Variants in RDH12 observed in about 807,000 individuals in gnomAD.
RDH12 encodes the protein retinol dehydrogenase 12.
RDH12 carries 21 observed loss-of-function variants against 34.0 expected under a neutral mutation model. The observed-to-expected ratio is 0.62, with a 90% CI of 0.44 to 0.89. RDH12 has a LOEUF of 0.89. RDH12 is among the 40% of genes least tolerant of loss of function. The pLI, the probability that RDH12 is intolerant of heterozygous loss-of-function variation, is 0.00. For missense variants in RDH12, 394 were observed against 398.6 expected (o/e 0.99, Z 0.10); for synonymous variants, 198 against 169.9 (o/e 1.17, Z -1.29).
rs369624285 is a variant in RDH12, at chr14:67,706,846, G to T, written c.-275+4911G>T. ...TCCCAGCTTTTTTCTAATCTCTCTT[G>T]GTTAGGATGGTTCGTTCCTAGACAG... On this transcript the variant is annotated intron_variant, in intron 1 of 8. Coordinates refer to ENST00000551171, the MANE Select transcript of RDH12 (RefSeq NM_152443.3). 4.6e-5 allele frequency among the ~76,000 whole-genome samples: 7 copies of T among 152,200 alleles called. 1 individual carries two copies. The highest frequency in any genetic ancestry group is 1.7e-4 in the African/African-American group (7 of 41,512).
chr14:67,724,207 C>T (rs543531462), intron 3 of RDH12, among the ~76,000 whole-genome samples: 11 of 152,200 alleles, frequency 7.2e-5, no homozygotes, highest in Non-Finnish European at 1.5e-4. Flanking sequence ...TCCATTGGCC[C>T]TGACTCCAGC....
intron 1 of RDH12, chr14:67,706,279 A>T (rs149786584): frequency 6.6e-6 from 1 of 152,356 alleles, no homozygotes; most frequent in East Asian, 1.9e-4. Flanking sequence ...TAAAAATATA[A>T]TGTCATTTTC....
Position 67,729,233 on chromosome 14 carries a change from G to T in RDH12, c.701G>T (p.Arg234Leu). Reference protein sequence around the residue: ...TTYAVHPGVVRSELVRHSSLL... With the variant: ...TTYAVHPGVVLSELVRHSSLL... ...TACGCAGTGCACCCAGGCGTCGTCC[G>T]CTCTGAGCTGGTCCGGCACTCCTCC... The change falls in exon 8 of 9, where the codon CGC becomes CTC. Residue 234 changes from arginine to leucine, a missense_variant. Arg to Leu is a moderately radical substitution (Grantham distance 102, BLOSUM62 -2). Transcript: ENST00000551171. 1.2e-6 allele frequency: 2 copies of T among 1,611,106 alleles called. No individual in the cohort carries two copies. The highest frequency in any genetic ancestry group is 2.2e-5 in the South Asian group (2 of 91,038).
intron 1 of RDH12, among the ~76,000 whole-genome samples, chr14:67,702,261 G>A (rs1186088406): frequency 6.6e-6 from 1 of 152,102 alleles, no homozygotes; most frequent in African/African-American, 2.4e-5. Flanking sequence ...GAGCCACCAT[G>A]CCTGGCCTGT....
At chr14:67,728,553 G>C (rs924118877) in intron 7 of RDH12, among the ~76,000 whole-genome samples, 3 of 152,088 alleles carry the variant, frequency 2.0e-5, no homozygotes, top group Non-Finnish European at 4.4e-5. Context: ...CTGTGACTTA[G>C]TTTTCTTTGT....
At position 67,729,234 on chromosome 14, in the gene RDH12, C is replaced by T; in HGVS notation, c.702C>T (p.Arg234=). The T allele has an allele frequency of 6.2e-7, 1 of 1,611,296 alleles. No individual in the cohort carries two copies. The highest frequency in any genetic ancestry group is 8.5e-7 in the Non-Finnish European group (1 of 1,180,010). ...TTYAVHPGVV[R]SELVRHSSLL... is the part of the protein sequence containing the mutation. ...ACGCAGTGCACCCAGGCGTCGTCCG[C>T]TCTGAGCTGGTCCGGCACTCCTCCC... Residue 234 remains arginine, a synonymous_variant, in exon 8 of 9, where the codon CGC becomes CGT. Coordinates refer to ENST00000551171, the MANE Select transcript of RDH12 (RefSeq NM_152443.3).
At chr14:67,723,350 C>T (rs1381884931) in intron 3 of RDH12, among the ~76,000 whole-genome samples, 4 of 152,210 alleles carry the variant, frequency 2.6e-5, no homozygotes, top group African/African-American at 9.7e-5. Context: ...CCTCCTGCCT[C>T]AGCCTCCCAA....
At chr14:67,709,371 T>C (rs1390926064) in intron 1 of RDH12, among the ~76,000 whole-genome samples, 1 of 152,212 alleles carries the variant, frequency 6.6e-6, no homozygotes, top group Non-Finnish European at 1.5e-5. Flanking sequence ...TTCAAAATTT[T>C]ATAAACAATC....
intron 5 of RDH12, 48 bp downstream of exon 5, chr14:67,725,302 G>A (rs1251499218): frequency 2.5e-6 from 4 of 1,595,670 alleles, no homozygotes; most frequent in Non-Finnish European, 8.6e-7. Context: ...GGGTATGGGA[G>A]TGGCTGCTCC....
intron 1 of RDH12, among the ~76,000 whole-genome samples, chr14:67,704,589 G>C (rs2037932472): frequency 6.6e-6 from 1 of 152,086 alleles, no homozygotes; most frequent in Non-Finnish European, 1.5e-5. Flanking sequence ...AAACTCAGCA[G>C]GTGTCTTAGA....
chr14:67,727,573 C>A (rs921105728), intron 7 of RDH12: 1 of 282,384 alleles, frequency 3.5e-6, no homozygotes, highest in African/African-American at 2.3e-5. Context: ...ACCTCTGCCT[C>A]CTGGGTTCAA....
intron 7 of RDH12, 187 bp downstream of exon 7, chr14:67,727,377 G>T (rs1472380349): frequency 1.4e-5 from 8 of 588,854 alleles, no homozygotes; most frequent in African/African-American, 7.5e-5. Flanking sequence ...TCAAATAGGG[G>T]TTAAGAACCT....
chr14:67,719,012 A>G (rs992456274), intron 1 of RDH12, among the ~76,000 whole-genome samples: 1 of 152,248 alleles, frequency 6.6e-6, no homozygotes, highest in Non-Finnish European at 1.5e-5. Context: ...TTTATCCAGT[A>G]AGATACACCA....
intron 1 of RDH12, among the ~76,000 whole-genome samples, chr14:67,709,404 T>A (rs1031492200): frequency 1.3e-5 from 2 of 152,232 alleles, no homozygotes; most frequent in Non-Finnish European, 2.9e-5. Flanking sequence ...ATCTTGACCA[T>A]AAGATATAAC....
intron 8 of RDH12, among the ~76,000 whole-genome samples, chr14:67,731,076 AAATG>A (rs1477273280): frequency 3.3e-5 from 5 of 152,214 alleles, no homozygotes; most frequent in East Asian, 1.9e-4. Context: ...TTAACTCAAT[AAATG>A]AATGTGTAAT....
At chr14:67,727,843 TG>T (rs2038209698) in intron 7 of RDH12, 3 of 154,684 alleles carry the variant, frequency 1.9e-5, no homozygotes, top group Admixed American at 1.9e-4. Context: ...AACCGGAATG[TG>T]GGTGCTCAGC....
intron 3 of RDH12, among the ~76,000 whole-genome samples, 154 bp downstream of exon 3, chr14:67,722,864 T>C (rs1394431717): frequency 1.3e-5 from 2 of 152,112 alleles, no homozygotes; most frequent in African/African-American, 4.8e-5. Context: ...GTGGATACCA[T>C]GGTGGAAAAC....
chr14:67,723,479 C>G (rs571422933), intron 3 of RDH12, among the ~76,000 whole-genome samples: 2 of 152,178 alleles, frequency 1.3e-5, no homozygotes, highest in South Asian at 2.1e-4. Flanking sequence ...AAGCGACCAT[C>G]CCACGTTGGC....
intron 3 of RDH12, among the ~76,000 whole-genome samples, chr14:67,723,364 G>T (rs1044944019): frequency 6.6e-6 from 1 of 152,174 alleles, no homozygotes; most frequent in African/African-American, 2.4e-5. Flanking sequence ...CTCCCAAGTA[G>T]TTGGGAATAT....
Sources: allele counts gnomAD v4.1 joint callset (sites outside exome capture counted in the v4.1 genomes callset), GRCh38; gene constraint gnomAD v4.1.1; transcripts MANE v1.5; gene names NCBI Gene and HGNC (gene_info 2026-07-23, HGNC 2026-07-21).